The following POPDC2 variants were observed in gnomAD, a reference collection of about 807,000 sequenced individuals.
The protein encoded by POPDC2 is popeye domain cAMP effector 2, also known as popeye domain-containing protein 2.
POPDC2 carries 24 observed loss-of-function variants against 30.5 expected under a neutral mutation model. The observed-to-expected ratio is 0.79, with a 90% CI of 0.57 to 1.11. POPDC2 has a LOEUF of 1.11. POPDC2 is among the 50% of genes least tolerant of loss of function. The pLI is 0.00. For synonymous variants in POPDC2, 185 were observed against 183.3 expected, an observed-to-expected ratio of 1.01 and a Z score of -0.07; for missense variants, 409 against 447.0, an observed-to-expected ratio of 0.91 and a Z score of 0.77.
At chr3:119,658,182 T>G (rs991246519) in intron 1 of POPDC2, among the ~76,000 whole-genome samples, 1 of 152,136 alleles carries the variant, frequency 6.6e-6, no homozygotes, top group African/African-American at 2.4e-5. Flanking sequence ...CCTTTAAAAC[T>G]AGAGCCCAGT....
At chr3:119,647,925 C>T (rs960143214) in intron 3 of POPDC2, among the ~76,000 whole-genome samples, 194 bp downstream of exon 3, 8 of 152,196 alleles carry the variant, frequency 5.3e-5, no homozygotes, top group African/African-American at 1.4e-4. Context: ...AAGTTAATAA[C>T]GAATGAGTTT....
chr3:119,648,356 G>A lies in POPDC2; in HGVS notation c.913C>T (p.Gln305Ter). ...SPPQATPTSL[Q>*]QTPPCSTPPA... The stretch of plus-strand genomic sequence containing the variant: ...GGGGTAGAACAAGGGGGTGTTTGCT[G>A]GAGAGAGGTGGGTGTGGCCTGAGGA... The change falls in exon 3 of 4, where the codon CAG (glutamine) becomes TAG (stop). Residue 305 changes from glutamine to a stop codon, truncating the protein, a stop_gained. Transcript: ENST00000493094. LOFTEE classifies it high-confidence loss of function. The A allele has an allele frequency of 6.2e-7, 1 of 1,614,156 alleles. No homozygotes were observed. Among genetic ancestry groups the A allele is most frequent in the Non-Finnish European group, 8.5e-7 (1 of 1,180,036 alleles).
chr3:119,656,826 C>T (rs1487044299), intron 1 of POPDC2, among the ~76,000 whole-genome samples: 1 of 152,190 alleles, frequency 6.6e-6, no homozygotes, highest in Non-Finnish European at 1.5e-5. Flanking sequence ...GGGGAGATAT[C>T]CTTCCATTAT....
chr3:119,647,225 T>C (rs2052755165), intron 3 of POPDC2, among the ~76,000 whole-genome samples: 1 of 152,184 alleles, frequency 6.6e-6, no homozygotes, highest in Non-Finnish European at 1.5e-5. Flanking sequence ...TGAAGAACCA[T>C]GGGAGGCGCC....
chr3:119,657,712 G>C (rs2052895267), intron 1 of POPDC2, among the ~76,000 whole-genome samples: 1 of 152,220 alleles, frequency 6.6e-6, no homozygotes, highest in South Asian at 2.1e-4. Context: ...GTAGAGTGTA[G>C]ATAATGTCTA....
chr3:119,660,502 G>A lies in POPDC2; in HGVS notation c.-79C>T, dbSNP rs115001548. 1.3e-3 allele frequency: 1,852 copies of A among 1,476,510 alleles called. 10 individuals are homozygous for A. In the African/African-American group the frequency reaches 0.013, roughly 10 times the overall value. 91.5% of individuals were successfully genotyped at this position (1,476,510 alleles called of 1,614,324 possible). ...ATTCAGAAAATGAATGAATCCATCCGCTCAGGGGTCTTCTCACCTCCGGCT... is the reference window on the plus strand; with the variant it reads ...ATTCAGAAAATGAATGAATCCATCCACTCAGGGGTCTTCTCACCTCCGGCT... On this transcript the variant is annotated 5_prime_UTR_variant, in exon 1 of 4. Coordinates refer to ENST00000493094, the MANE Select transcript of POPDC2 (RefSeq NM_001369919.2).
chr3:119,654,838 C>T (rs2052861280), intron 1 of POPDC2: 2 of 513,190 alleles, frequency 3.9e-6, no homozygotes, highest in Non-Finnish European at 6.9e-6. Context: ...CCTCCTCCTT[C>T]TCCTTACTGG....
Position 119,642,327 on chromosome 3 carries a change from T to C in POPDC2, c.*278A>G. 1 of 588,052 alleles carries C rather than the reference T, an allele frequency of 1.7e-6. No homozygotes were observed. Among genetic ancestry groups the C allele is most frequent in the Non-Finnish European group, 3.1e-6 (1 of 325,076 alleles). 36.4% of individuals were successfully genotyped at this position (588,052 alleles called of 1,614,324 possible). On this transcript the variant is annotated 3_prime_UTR_variant, in exon 4 of 4. Transcript: ENST00000493094. ...TCTCAAAGTCACTTCAGGTCCTTAC[T>C]GTAGCGACAGTGTTGGCACCTTCTG...
chr3:119,642,546 A>T lies in POPDC2; in HGVS notation c.*59T>A. 6.2e-7 allele frequency: 1 copy of T among 1,612,056 alleles called. No homozygotes were observed. Among genetic ancestry groups the T allele is most frequent in the Non-Finnish European group, 8.5e-7 (1 of 1,178,134 alleles). ...GGATATAACTTGAGAGTAGCTCTGG[A>T]GAGGAATTCTAGAAGCTGTGGAAAG... On this transcript the variant is annotated 3_prime_UTR_variant, in exon 4 of 4. Coordinates refer to ENST00000493094, the MANE Select transcript of POPDC2 (RefSeq NM_001369919.2).
Position 119,660,212 on chromosome 3 carries a change from C to A in POPDC2, c.212G>T (p.Ser71Ile). 6.2e-7 allele frequency: 1 copy of A among 1,614,216 alleles called. No individual in the cohort carries two copies. Among genetic ancestry groups the A allele is most frequent in the South Asian group, 1.1e-5 (1 of 91,086 alleles). Residue 71 changes from serine (S) to isoleucine (I), a missense_variant, in exon 1 of 4, where the codon AGT (serine) becomes ATT (isoleucine). Transcript: ENST00000493094. ...YLCCVLWGWFSACGLDIVLWS... is the reference protein window; with the variant it reads ...YLCCVLWGWFIACGLDIVLWS... ...AAGAACAATGTCCAGGCCACAGGCA[C>A]TGAACCAGCCCCACAGCACGCAGCA...
chr3:119,654,366 A>T, intron 2 of POPDC2, 139 bp downstream of exon 2: 1 of 635,708 alleles, frequency 1.6e-6, no homozygotes, highest in Non-Finnish European at 2.8e-6. Context: ...CTCTTTTCAG[A>T]GGAAGAGTGC....
At chr3:119,647,835 TA>T (rs2052761535) in intron 3 of POPDC2, among the ~76,000 whole-genome samples, 1 of 152,220 alleles carries the variant, frequency 6.6e-6, no homozygotes, top group Non-Finnish European at 1.5e-5. Flanking sequence ...TGGCCTCAGC[TA>T]TTAGAATAAA....
chr3:119,658,732 C>T (rs565366841), intron 1 of POPDC2, among the ~76,000 whole-genome samples: 1 of 152,310 alleles, frequency 6.6e-6, no homozygotes, highest in African/African-American at 2.4e-5. Context: ...TGTCTCCCCT[C>T]CTAGCTCACT....
At chr3:119,658,259 T>C (rs918678643) in intron 1 of POPDC2, among the ~76,000 whole-genome samples, 2 of 151,802 alleles carry the variant, frequency 1.3e-5, no homozygotes, top group African/African-American at 4.8e-5. Context: ...CACTGAAAGA[T>C]AACAAAACTC....
At chr3:119,653,035 TGC>T (rs1183100994) in intron 2 of POPDC2, among the ~76,000 whole-genome samples, 8 of 150,506 alleles carry the variant, frequency 5.3e-5, no homozygotes, top group South Asian at 2.1e-4. Flanking sequence ...TGAGTGTGTG[TGC>T]GCGTGTGTGC....
chr3:119,656,630 A>G (rs748689797), intron 1 of POPDC2, among the ~76,000 whole-genome samples: 18 of 152,194 alleles, frequency 1.2e-4, no homozygotes, highest in Non-Finnish European at 2.5e-4. Flanking sequence ...ATGTGAGGCC[A>G]CATCTGGAAG....
chr3:119,658,969 T>C (rs2052909602), intron 1 of POPDC2, among the ~76,000 whole-genome samples: 1 of 151,918 alleles, frequency 6.6e-6, no homozygotes, highest in Non-Finnish European at 1.5e-5. Flanking sequence ...CATCTTACCT[T>C]TTCTATCACA....
chr3:119,645,801 C>T (rs1052163111), intron 3 of POPDC2, among the ~76,000 whole-genome samples: 1 of 152,190 alleles, frequency 6.6e-6, no homozygotes, highest in Non-Finnish European at 1.5e-5. Context: ...CTTGTGTCTA[C>T]TGTACTGCGG....
chr3:119,645,548 G>A (rs2052736205), intron 3 of POPDC2, among the ~76,000 whole-genome samples: 1 of 139,860 alleles, frequency 7.2e-6, no homozygotes, highest in South Asian at 2.3e-4. Flanking sequence ...GGGTGACAAA[G>A]CGAGACTCCG....
Sources: allele counts gnomAD v4.1 joint callset (sites outside exome capture counted in the v4.1 genomes callset), GRCh38; gene constraint gnomAD v4.1.1; transcripts MANE v1.5; gene names NCBI Gene and HGNC (gene_info 2026-07-23, HGNC 2026-07-21).